Variants in SRC observed in about 807,000 individuals in gnomAD.
The protein encoded by SRC is SRC proto-oncogene, non-receptor tyrosine kinase.
A neutral mutation model predicts 62.9 loss-of-function variants in SRC; 13 were observed. That is an observed-to-expected ratio of 0.21 (90% confidence interval 0.13 to 0.33). SRC has a LOEUF of 0.33. SRC is among the 10% of genes least tolerant of loss of function. The pLI is 1.00. For missense variants in SRC, 457 were observed against 737.3 expected, an observed-to-expected ratio of 0.62 and a Z score of 4.40; for synonymous variants, 302 against 317.5, an observed-to-expected ratio of 0.95 and a Z score of 0.52.
chr20:37,384,543 C>CGGGGAGG lies in SRC; in HGVS notation c.250+144_250+145insAGGGGGG, dbSNP rs1555797849. On this transcript the variant is annotated intron_variant, in intron 4 of 13. Transcript: ENST00000373578. The surrounding 1 kb of genome is among the most constrained non-coding windows in gnomAD (Gnocchi z 6.7). ...AGCGCCCCTGGGTGACTTGGGTGTC[C>CGGGGAGG]GGGGGGTGGGGGGGCGGCCGTACAC... 6 of 159,536 alleles carry CGGGGAGG rather than the reference C, an allele frequency of 3.8e-5. No individual in the cohort carries two copies. Among genetic ancestry groups the CGGGGAGG allele is most frequent in the Admixed American group, 3.0e-4 (2 of 6,750 alleles). 9.9% of individuals were successfully genotyped at this position (159,536 alleles called of 1,614,324 possible). A position where few individuals can be genotyped will look rare whatever the true frequency, so the allele number is the denominator to read the frequency against.
intron 2 of SRC, among the ~76,000 whole-genome samples, chr20:37,367,968 C>A (rs1478504932): frequency 6.6e-6 from 1 of 152,120 alleles, no homozygotes; most frequent in Admixed American, 6.5e-5. Flanking sequence ...ATACAAGTCT[C>A]TTGTCAGATA....
intron 7 of SRC, among the ~76,000 whole-genome samples, chr20:37,395,392 C>T (rs2070627971): frequency 6.6e-6 from 1 of 152,260 alleles, no homozygotes; most frequent in African/African-American, 2.4e-5. Context: ...GGAGCCTCTG[C>T]CCCTGCCTCC....
chr20:37,395,525 G>A (rs183986936), intron 7 of SRC, among the ~76,000 whole-genome samples: 13 of 152,292 alleles, frequency 8.5e-5, no homozygotes, highest in African/African-American at 1.9e-4. Context: ...GGAAAGAGGG[G>A]AGGCACCAGG....
intron 1 of SRC, among the ~76,000 whole-genome samples, chr20:37,356,979 G>A (rs2069891949): frequency 6.6e-6 from 1 of 152,190 alleles, no homozygotes; most frequent in African/African-American, 2.4e-5. Flanking sequence ...TCCTGAGAGA[G>A]TGAAATGATA....
intron 1 of SRC, among the ~76,000 whole-genome samples, chr20:37,352,680 G>A (rs1036514256): frequency 1.3e-5 from 2 of 152,176 alleles, no homozygotes; most frequent in African/African-American, 4.8e-5. Context: ...TTGTTTTTTG[G>A]GAGGCAGCTG....
At chr20:37,372,982 G>T (rs1013295557) in intron 2 of SRC, among the ~76,000 whole-genome samples, 1 of 151,912 alleles carries the variant, frequency 6.6e-6, no homozygotes, top group East Asian at 1.9e-4. Context: ...CCCATTCAGA[G>T]ATATGAAAAT....
chr20:37,385,428 C>T (rs1000324335), intron 4 of SRC, among the ~76,000 whole-genome samples: 1 of 151,378 alleles, frequency 6.6e-6, no homozygotes, highest in Non-Finnish European at 1.5e-5. Flanking sequence ...CAGAACCCAC[C>T]TGGGGGAAGG....
Position 37,396,592 on chromosome 20 carries a change from G to T in SRC, c.703+281G>T. The T allele has an allele frequency of 3.9e-6, 2 of 509,150 alleles. No individual in the cohort carries two copies. The highest frequency in any genetic ancestry group is 4.6e-5 in the South Asian group (2 of 43,530). 31.5% of individuals were successfully genotyped at this position (509,150 alleles called of 1,614,324 possible). On this transcript the variant is annotated intron_variant, in intron 8 of 13. Coordinates refer to ENST00000373578, the MANE Select transcript of SRC (RefSeq NM_198291.3). The surrounding 1 kb of genome is among the most constrained non-coding windows in gnomAD (Gnocchi z 6.1). ...TTCTCTGCAGCTGGCTGGTATGGAG[G>T]GGGCTGCCCTGAGGAGCCCCAGAGT...
At chr20:37,390,460 C>T (rs1027669520) in intron 5 of SRC, among the ~76,000 whole-genome samples, 5 of 126,638 alleles carry the variant, frequency 3.9e-5, no homozygotes, top group African/African-American at 6.2e-5. Flanking sequence ...TGCAGTGGTG[C>T]GATCTTGGCT....
intron 1 of SRC, among the ~76,000 whole-genome samples, chr20:37,362,748 C>T (rs74817632): frequency 0.021 from 3,144 of 152,110 alleles, 109 homozygotes; most frequent in African/African-American, 0.072. Context: ...GGGGGGTCTG[C>T]GAAGCCTCCT....
chr20:37,350,448 A>C (rs2069785315), intron 1 of SRC, among the ~76,000 whole-genome samples: 1 of 152,176 alleles, frequency 6.6e-6, no homozygotes, highest in Non-Finnish European at 1.5e-5. Flanking sequence ...GGTAAGGCTA[A>C]CAAGAGGATG....
chr20:37,355,538 G>A (rs1391922223), intron 1 of SRC, among the ~76,000 whole-genome samples: 1 of 152,184 alleles, frequency 6.6e-6, no homozygotes, highest in Non-Finnish European at 1.5e-5. Context: ...TTATCCACCG[G>A]TGATATCTGG....
At chr20:37,350,987 G>A (rs1018201378) in intron 1 of SRC, among the ~76,000 whole-genome samples, 1 of 152,174 alleles carries the variant, frequency 6.6e-6, no homozygotes, top group Non-Finnish European at 1.5e-5. Flanking sequence ...AATCATCTAC[G>A]CTGGGAGAAA....
intron 2 of SRC, among the ~76,000 whole-genome samples, chr20:37,369,769 GTTTTCT>G (rs1259991760): frequency 2.0e-5 from 3 of 151,492 alleles, no homozygotes. Context: ...TAGCTCTGGG[GTTTTCT>G]TTTTCTTTTT....
chr20:37,358,953 G>A (rs529163853), intron 1 of SRC, among the ~76,000 whole-genome samples: 1 of 152,376 alleles, frequency 6.6e-6, no homozygotes, highest in South Asian at 2.1e-4. Flanking sequence ...GCACGCGCAC[G>A]GCCCCTTGCT....
intron 5 of SRC, among the ~76,000 whole-genome samples, chr20:37,389,068 G>A (rs1458098063): frequency 6.6e-6 from 1 of 152,124 alleles, no homozygotes; most frequent in Non-Finnish European, 1.5e-5. Context: ...GTCTGTGGAT[G>A]GGGTCTGGCC....
At chr20:37,372,210 T>TGTCGTTTAGGCTAGTCTTGAA (rs59050789) in intron 2 of SRC, among the ~76,000 whole-genome samples, 2 of 151,712 alleles carry the variant, frequency 1.3e-5, no homozygotes, top group Non-Finnish European at 2.9e-5. Context: ...GATTTCACCA[T>TGTCGTTTAGGCTAGTCTTGAA]CTCCTGAGCT....
chr20:37,345,670 C>G (rs117794732), upstream of SRC, among the ~76,000 whole-genome samples: 1 of 152,254 alleles, frequency 6.6e-6, no homozygotes, highest in Non-Finnish European at 1.5e-5. Context: ...TTCCGCCGCT[C>G]AGGCCAGGTG....
rs2070413612 is a variant in SRC at position 37,384,341 on chromosome 20, T to C, written c.188T>C (p.Leu63Pro). ...AFAPAAAEPK[L>P]FGGFNSSDTV... ...GCCCCCGCGGCCGCCGAGCCCAAGC[T>C]GTTCGGAGGCTTCAACTCCTCGGAC... is the stretch of plus-strand genomic sequence containing the variant. Residue 63 changes from leucine (L) to proline (P), a missense_variant, in exon 4 of 14, where the codon CTG becomes CCG. By Grantham distance (98) the Leu-to-Pro change is moderately conservative. Transcript: ENST00000373578. The surrounding 1 kb of genome is among the most constrained non-coding windows in gnomAD (Gnocchi z 6.7). 5.5e-6 allele frequency: 8 copies of C among 1,466,536 alleles called. No homozygotes were observed. Among genetic ancestry groups the C allele is most frequent in the Non-Finnish European group, 7.2e-6 (8 of 1,114,294 alleles). The allele number at this position is 1,466,536 out of a possible 1,614,324, so 90.8% of individuals were successfully genotyped here. A position where few individuals can be genotyped will look rare whatever the true frequency, so the allele number is the denominator to read the frequency against.
Sources: gnomAD v4.1 joint callset for allele counts (sites outside exome capture counted in the v4.1 genomes callset) on GRCh38, gnomAD v4.1.1 for gene constraint, Gnocchi (gnomAD v3.1) non-coding constraint, MANE v1.5 for transcripts, NCBI Gene and HGNC (gene_info 2026-07-23, HGNC 2026-07-21) for gene names.